Variants in MLXIPL observed in about 807,000 individuals in gnomAD.
MLXIPL encodes MLX interacting protein like.
Under a neutral mutation model 81.5 loss-of-function variants are expected in MLXIPL, and 49 were observed. That is an observed-to-expected ratio of 0.60 (90% CI 0.48 to 0.76). The LOEUF (loss-of-function observed/expected upper bound fraction) is 0.76, where lower values mean the gene tolerates loss of function less well. Ranked by LOEUF, MLXIPL falls within the 30% of genes least tolerant of loss-of-function variation. MLXIPL has a pLI of 0.00. For synonymous variants in MLXIPL, 466 were observed against 485.5 expected, an observed-to-expected ratio of 0.96 and a Z score of 0.53; for missense variants, 1,053 against 1,167.0, an observed-to-expected ratio of 0.90 and a Z score of 1.42.
chr7:73,610,031 TC>T (rs1308044549), intron 2 of MLXIPL: 2 of 152,626 alleles, frequency 1.3e-5, no homozygotes, highest in African/African-American at 4.8e-5. Flanking sequence ...CCTCTCTCAC[TC>T]TGGCCCTTTC....
chr7:73,636,393 G>C, the MLXIPL span, among the ~76,000 whole-genome samples: 4 of 150,120 alleles, frequency 2.7e-5, no homozygotes, highest in South Asian at 2.1e-4. Context: ...CTGAGCGACA[G>C]AGTGAGACTC....
At position 73,596,300 on chromosome 7, in the gene MLXIPL, T is replaced by A. The variant is rs1554593779; in HGVS notation, c.1939-28A>T. The A allele has an allele frequency of 6.3e-7, 1 of 1,597,086 alleles. No individual in the cohort carries two copies. Among genetic ancestry groups the A allele is most frequent in the Admixed American group, 1.8e-5 (1 of 56,158 alleles). ...CGGGGAGCAGAGAGTTGGGTGAGCCTAGGAAGGAGCCCAGGAGGGCCTGGG... is the reference window on the plus strand; with the variant it reads ...CGGGGAGCAGAGAGTTGGGTGAGCCAAGGAAGGAGCCCAGGAGGGCCTGGG... On this transcript the variant is annotated intron_variant, in intron 12 of 16. Coordinates refer to ENST00000313375, the MANE Select transcript of MLXIPL (RefSeq NM_032951.3). The surrounding 1 kb of genome is among the most constrained non-coding windows in gnomAD (Gnocchi z 4.7).
In MLXIPL at chr7:73,607,593, C is replaced by T. The variant is rs782559257; in HGVS notation, c.480G>A (p.Pro160=). The change falls in exon 3 of 17, where the codon CCG becomes CCA. Residue 160 remains proline, a synonymous_variant. Transcript: ENST00000313375. ...AGGCGGTCCAGAACCCAGCTACCTC[C>T]GGCTTCCGGTGCGCATCAGCCTCAG... is the stretch of plus-strand genomic sequence containing the variant. ...QGPEADAHRK[P]EAVVLEGNYW... 27 of 1,612,696 alleles carry T rather than the reference C, an allele frequency of 1.7e-5. No homozygotes were observed. The Admixed American group carries it at 4.3e-4, about 26-fold the overall frequency.
Position 73,624,345 on chromosome 7 carries a change from C to A in MLXIPL, c.148G>T (p.Gly50Cys). 1 of 1,586,898 alleles carries A rather than the reference C, an allele frequency of 6.3e-7. No individual in the cohort carries two copies. The highest frequency in any genetic ancestry group is 2.3e-5 in the East Asian group (1 of 43,602). ...GLLRSQVIHS[G>C]HFMVSSPHSD... ...TGCGGCGACGACACCATGAAGTGAC[C>A]GCTGTGGATGACCTGCGAGCGGAGC... Residue 50 changes from glycine to cysteine, a missense_variant, in exon 1 of 17, where the codon GGT (glycine) becomes TGT (cysteine). Around this residue, in one of 3 missense-constraint regions of MLXIPL, gnomAD observed 226 missense variants for 216.2 expected, o/e 1.05. Coordinates refer to ENST00000313375, the MANE Select transcript of MLXIPL (RefSeq NM_032951.3).
intron 1 of MLXIPL, among the ~76,000 whole-genome samples, chr7:73,620,319 G>A (rs1385772252): frequency 2.0e-5 from 3 of 151,798 alleles, no homozygotes; most frequent in Non-Finnish European, 4.4e-5. Context: ...CAGGAGAATC[G>A]CTTGAACCCA....
At chr7:73,630,814 A>G in the MLXIPL span, among the ~76,000 whole-genome samples, 1 of 152,134 alleles carries the variant, frequency 6.6e-6, no homozygotes, top group Non-Finnish European at 1.5e-5. Flanking sequence ...ATCACTTTGG[A>G]AAGGTATTTG....
At chr7:73,638,539 C>T in the MLXIPL span, among the ~76,000 whole-genome samples, 1 of 151,626 alleles carries the variant, frequency 6.6e-6, no homozygotes, top group Non-Finnish European at 1.5e-5. Flanking sequence ...ACCTTGGCCT[C>T]CCAAAGTGCT....
At chr7:73,625,655 G>A (rs1039894693), upstream of MLXIPL, among the ~76,000 whole-genome samples, 2 of 152,040 alleles carry the variant, frequency 1.3e-5, no homozygotes, top group Admixed American at 6.6e-5. Flanking sequence ...CAGCTACTCG[G>A]GAGGCTGAGG....
the MLXIPL span, among the ~76,000 whole-genome samples, chr7:73,644,735 A>G: frequency 2.0e-5 from 3 of 152,154 alleles, no homozygotes; most frequent in Admixed American, 1.3e-4. Context: ...GACAAAGAAG[A>G]TAGGGCGACA....
upstream of MLXIPL, among the ~76,000 whole-genome samples, chr7:73,627,418 T>C (rs545037175): frequency 6.6e-6 from 1 of 152,054 alleles, no homozygotes; most frequent in African/African-American, 2.4e-5. Flanking sequence ...CCGACTAATT[T>C]TTGTATTTTT....
At position 73,593,829 on chromosome 7, in the gene MLXIPL, C is replaced by T; in HGVS notation, c.*36G>A. On this transcript the variant is annotated 3_prime_UTR_variant, in exon 17 of 17. Transcript: ENST00000313375. ...GCCCGTGCCCAGGGAAAGCAGCCCC[C>T]AGGGCAGCTGAGTGAGCAGCAGGGT... 6.4e-7 allele frequency: 1 copy of T among 1,559,680 alleles called. No individual in the cohort carries two copies. Among genetic ancestry groups the T allele is most frequent in the Non-Finnish European group, 8.8e-7 (1 of 1,130,940 alleles).
At chr7:73,619,048 T>C (rs1434146221) in intron 1 of MLXIPL, among the ~76,000 whole-genome samples, 3 of 152,086 alleles carry the variant, frequency 2.0e-5, no homozygotes, top group African/African-American at 7.2e-5. Flanking sequence ...TATGACTGGC[T>C]GGGGATGGCT....
intron 8 of MLXIPL, 25 bp downstream of exon 8, chr7:73,599,501 G>T (rs1554595349): frequency 6.2e-7 from 1 of 1,611,386 alleles, no homozygotes; most frequent in Non-Finnish European, 8.5e-7. Flanking sequence ...GCTACACAGG[G>T]CTGGACGGGG....
intron 1 of MLXIPL, 57 bp downstream of exon 1, chr7:73,624,143 C>A: frequency 3.0e-5 from 9 of 302,526 alleles, no homozygotes; most frequent in East Asian, 1.4e-4. Flanking sequence ...CTGCCCCGGA[C>A]CCCCCCCCCA....
At chr7:73,597,098 C>A in intron 9 of MLXIPL, 84 bp downstream of exon 9, 1 of 1,486,396 alleles carries the variant, frequency 6.7e-7, no homozygotes, top group Non-Finnish European at 9.1e-7. Flanking sequence ...CCTTCACCTT[C>A]ATCTTCTGCT....
intron 2 of MLXIPL, among the ~76,000 whole-genome samples, chr7:73,611,684 C>T (rs782610581): frequency 2.6e-5 from 4 of 152,092 alleles, no homozygotes; most frequent in South Asian, 2.1e-4. Flanking sequence ...GGCGTGGTGG[C>T]GCATGCCTGT....
At chr7:73,606,428 C>CTT (rs539124816) in intron 5 of MLXIPL, 529 of 301,026 alleles carry the variant, frequency 1.8e-3, no homozygotes, top group South Asian at 3.3e-3. Flanking sequence ...TTTTCTTTTT[C>CTT]TTTTTTTTTT....
At position 73,596,326 on chromosome 7, in the gene MLXIPL, G is replaced by T; in HGVS notation, c.1938+38C>A. 6.2e-7 allele frequency: 1 copy of T among 1,613,100 alleles called. No homozygotes were observed. Among genetic ancestry groups the T allele is most frequent in the Non-Finnish European group, 8.5e-7 (1 of 1,179,842 alleles). ...AGGAAGGAGCCCAGGAGGGCCTGGG[G>T]GTAGCAAACCGATCTTGGGGTGGGG... On this transcript the variant is annotated intron_variant, in intron 12 of 16. Transcript: ENST00000313375. The surrounding 1 kb of genome is among the most constrained non-coding windows in gnomAD (Gnocchi z 4.7).
chr7:73,618,975 G>C (rs1554601353), intron 1 of MLXIPL, among the ~76,000 whole-genome samples: 1 of 152,190 alleles, frequency 6.6e-6, no homozygotes, highest in African/African-American at 2.4e-5. Flanking sequence ...AAAAGGATTT[G>C]GGGCTGTGAG....
Sources: gnomAD v4.1 joint callset for allele counts (sites outside exome capture counted in the v4.1 genomes callset) on GRCh38, gnomAD v4.1.1 for gene constraint, gnomAD v4.1.1 regional missense constraint, Gnocchi (gnomAD v3.1) non-coding constraint, MANE v1.5 for transcripts, NCBI Gene and HGNC (gene_info 2026-07-23, HGNC 2026-07-21) for gene names.